Variants in DYM observed in about 807,000 individuals in gnomAD.
DYM encodes dyggve-Melchior-Clausen syndrome protein.
Under a neutral mutation model 93.1 loss-of-function variants are expected in DYM, and 78 were observed. The ratio of observed to expected loss-of-function variants is 0.84; its 90% CI spans 0.70 to 1.01. The LOEUF (loss-of-function observed/expected upper bound fraction) is 1.01, where lower values mean the gene tolerates loss of function less well. Ranked by LOEUF, DYM falls within the 50% of genes least tolerant of loss-of-function variation. The pLI, the probability that DYM is intolerant of heterozygous loss-of-function variation, is 0.00. For missense variants in DYM, 789 were observed against 845.0 expected, an observed-to-expected ratio of 0.93 and a Z score of 0.82; for synonymous variants, 321 against 319.7, an observed-to-expected ratio of 1.00 and a Z score of -0.04.
intron 5 of DYM, among the ~76,000 whole-genome samples, chr18:49,370,259 CAA>C (rs2066891611): frequency 7.3e-6 from 1 of 136,226 alleles, no homozygotes; most frequent in Non-Finnish European, 1.5e-5. Flanking sequence ...GCCTCGGAAA[CAA>C]GAGCGAAACT....
chr18:49,392,291 A>T (rs939360368), intron 2 of DYM, among the ~76,000 whole-genome samples: 1 of 152,114 alleles, frequency 6.6e-6, no homozygotes. Context: ...TTTGACAACA[A>T]TTTCTTGGAT....
At chr18:49,191,236 G>A (rs1014357464) in intron 14 of DYM, among the ~76,000 whole-genome samples, 2 of 152,052 alleles carry the variant, frequency 1.3e-5, no homozygotes, top group African/African-American at 4.8e-5. Context: ...CTAAACAGAA[G>A]AATGACAAGG....
intron 8 of DYM, among the ~76,000 whole-genome samples, chr18:49,306,522 C>T (rs1298349186): frequency 5.9e-5 from 9 of 152,116 alleles, no homozygotes; most frequent in African/African-American, 1.4e-4. Context: ...TTTCCTGGAA[C>T]ATTAATTTTC....
chr18:49,155,940 C>G (rs1428980511), intron 15 of DYM, among the ~76,000 whole-genome samples: 1 of 152,180 alleles, frequency 6.6e-6, no homozygotes, highest in Non-Finnish European at 1.5e-5. Flanking sequence ...TGAAATTTCT[C>G]TATCATGTGA....
intron 14 of DYM, among the ~76,000 whole-genome samples, chr18:49,201,264 T>C (rs1356816811): frequency 6.6e-6 from 1 of 152,210 alleles, no homozygotes; most frequent in Non-Finnish European, 1.5e-5. Flanking sequence ...TAATATTTCA[T>C]ACTACACCAT....
Position 49,113,368 on chromosome 18 carries a change from C to G in DYM, c.1911+5376G>C, listed in dbSNP as rs201873515. On this transcript the variant is annotated intron_variant, in intron 16 of 17. Coordinates refer to ENST00000675505, the MANE Select transcript of DYM (RefSeq NM_001353214.3). The stretch of plus-strand genomic sequence containing the variant: ...TGGTGTTATATTCTACCTTGTCTTG[C>G]TGCTTAATTCAGCCTGATCATATCA... Among the ~76,000 whole-genome samples the G allele has an allele frequency of 9.8e-5, 15 of 152,306 alleles. No homozygotes were observed. In the East Asian group the frequency reaches 2.9e-3, roughly 29 times the overall value.
rs1555661313 is a variant in DYM at position 49,254,325 on chromosome 18, T to TAC, written c.1460+2683_1460+2684dup. Among the ~76,000 whole-genome samples the TAC allele has an allele frequency of 3.6e-3, 495 of 138,050 alleles. 1 individual carries two copies. Among genetic ancestry groups the TAC allele is most frequent in the South Asian group, 5.8e-3 (25 of 4,314 alleles). The allele number at this position is 138,050 out of a possible 152,430, so 90.6% of individuals were successfully genotyped here. A position where few individuals can be genotyped will look rare whatever the true frequency, so the allele number is the denominator to read the frequency against. On this transcript the variant is annotated intron_variant, in intron 13 of 17. Coordinates refer to ENST00000675505, the MANE Select transcript of DYM (RefSeq NM_001353214.3). ...ATATATATATATATATATATATATA[T>TAC]ACACACATAGATGGGTCCTGGTCTT... is the stretch of plus-strand genomic sequence containing the variant.
At chr18:49,225,419 A>G (rs772767535) in intron 13 of DYM, among the ~76,000 whole-genome samples, 3 of 152,148 alleles carry the variant, frequency 2.0e-5, no homozygotes, top group Non-Finnish European at 4.4e-5. Flanking sequence ...AATCTCTAGT[A>G]TGAAGGATTA....
At chr18:49,387,994 T>C (rs984416231) in intron 3 of DYM, among the ~76,000 whole-genome samples, 10 of 152,202 alleles carry the variant, frequency 6.6e-5, no homozygotes, top group Non-Finnish European at 1.5e-4. Context: ...ATTAAAAGCT[T>C]GTTTTAAAAA....
chr18:49,335,964 C>T (rs780111497), intron 6 of DYM, among the ~76,000 whole-genome samples: 3 of 152,144 alleles, frequency 2.0e-5, no homozygotes, highest in East Asian at 3.9e-4. Context: ...CAGGCAGACG[C>T]CATCATGCCC....
At chr18:49,398,659 A>G (rs1018310642) in intron 2 of DYM, among the ~76,000 whole-genome samples, 1 of 152,196 alleles carries the variant, frequency 6.6e-6, no homozygotes, top group African/African-American at 2.4e-5. Context: ...CAGAAGCCTG[A>G]GTGTGTTCCT....
Position 49,391,654 on chromosome 18 carries a change from A to G in DYM, c.141-9T>C. The G allele has an allele frequency of 6.2e-7, 1 of 1,611,136 alleles. No individual in the cohort carries two copies. The highest frequency in any genetic ancestry group is 8.5e-7 in the Non-Finnish European group (1 of 1,177,572). On this transcript the variant is annotated splice_polypyrimidine_tract_variant and intron_variant, in intron 2 of 17. Transcript: ENST00000675505. ...AGAGTTTCAACTCACTACTGGAGAGACAGAAGAATAAAGGTAATTAATGAC... is the reference window on the plus strand; with the variant it reads ...AGAGTTTCAACTCACTACTGGAGAGGCAGAAGAATAAAGGTAATTAATGAC...
At chr18:49,102,559 G>A (rs982608603) in intron 16 of DYM, among the ~76,000 whole-genome samples, 3 of 151,886 alleles carry the variant, frequency 2.0e-5, no homozygotes, top group African/African-American at 7.3e-5. Flanking sequence ...AATGCTATCC[G>A]TCCCCTCTCC....
intron 15 of DYM, among the ~76,000 whole-genome samples, chr18:49,134,068 A>G (rs2083615437): frequency 6.6e-6 from 1 of 152,230 alleles, no homozygotes; most frequent in Non-Finnish European, 1.5e-5. Context: ...ATTGATTGAT[A>G]GAAGAACAGA....
intron 9 of DYM, 150 bp downstream of exon 9, chr18:49,286,284 T>G: frequency 1.2e-6 from 1 of 862,418 alleles, no homozygotes; most frequent in Non-Finnish European, 1.9e-6. Flanking sequence ...CCTGATAATA[T>G]TGACAGGAAA....
chr18:49,325,053 A>G (rs1404376931), intron 8 of DYM, among the ~76,000 whole-genome samples: 1 of 152,124 alleles, frequency 6.6e-6, no homozygotes, highest in East Asian at 1.9e-4. Flanking sequence ...GAGATGAGAA[A>G]AGGCATCTGA....
rs1421302955 is a variant in DYM, at chr18:49,299,999, T to C, written c.764-13383A>G. Among the ~76,000 whole-genome samples, 22 of 146,924 alleles carry C rather than the reference T, an allele frequency of 1.5e-4. 1 individual carries two copies. In the East Asian group the frequency reaches 3.8e-3, roughly 25 times the overall value. ...TGGAGCTTGCAGTGAGCCGAGATCGTGCCACTGCACTCCAGCCTGGTGATA... is the reference window on the plus strand; with the variant it reads ...TGGAGCTTGCAGTGAGCCGAGATCGCGCCACTGCACTCCAGCCTGGTGATA... On this transcript the variant is annotated intron_variant, in intron 8 of 17. Transcript: ENST00000675505.
In DYM at chr18:49,428,337, T is replaced by C. The variant is rs547050712; in HGVS notation, c.140+1918A>G. On this transcript the variant is annotated intron_variant, in intron 2 of 17. Coordinates refer to ENST00000675505, the MANE Select transcript of DYM (RefSeq NM_001353214.3). The stretch of plus-strand genomic sequence containing the variant: ...GAAGCCAGTCACAAAAGACCACCTA[T>C]TGTTACAATTTCATTTACATGAAAC... 2.0e-5 allele frequency among the ~76,000 whole-genome samples: 3 copies of C among 151,956 alleles called. No homozygotes were observed. The East Asian group carries it at 5.8e-4, about 29-fold the overall frequency.
At chr18:49,139,922 G>A (rs2084276975) in intron 15 of DYM, among the ~76,000 whole-genome samples, 1 of 152,014 alleles carries the variant, frequency 6.6e-6, no homozygotes, top group Non-Finnish European at 1.5e-5. Context: ...TTTTAAGAGT[G>A]TGGCATTCCC....
Sources: allele counts gnomAD v4.1 joint callset (sites outside exome capture counted in the v4.1 genomes callset), GRCh38; gene constraint gnomAD v4.1.1; transcripts MANE v1.5; gene names NCBI Gene and HGNC (gene_info 2026-07-23, HGNC 2026-07-21).